The following ARL6IP6 variants were observed in gnomAD, a reference collection of about 807,000 sequenced individuals.
ARL6IP6 encodes the protein ADP-ribosylation factor-like protein 6-interacting protein 6.
In ARL6IP6, 22 loss-of-function variants were observed where a neutral mutation model predicts 21.5. That is an observed-to-expected ratio of 1.02 (90% CI 0.73 to 1.46). ARL6IP6 has a LOEUF of 1.46. Among genes scored for constraint, ARL6IP6 ranks in the 40% most tolerant of loss-of-function variants. The probability of loss-of-function intolerance (pLI) is 0.00; values close to 1 mark genes in which losing one functional copy is unlikely to be tolerated. For synonymous variants in ARL6IP6, 164 were observed against 125.3 expected (o/e 1.31, Z -2.06); for missense variants, 388 against 299.8 (o/e 1.29, Z -2.17).
At chr2:152,718,013 G>A (rs1276991352), upstream of ARL6IP6, 4 of 994,560 alleles carry the variant, frequency 4.0e-6, no homozygotes, top group East Asian at 1.1e-4. Flanking sequence ...GCGCGCGCCT[G>A]GGGAAGGAGG....
chr2:152,719,764 AAAAAAAAAAAC>A, intron 1 of ARL6IP6: 2 of 249,328 alleles, frequency 8.0e-6, no homozygotes, highest in Admixed American at 6.0e-5. Flanking sequence ...AAAAAAAAAA[AAAAAAAAAAAC>A]AAAAGAACTT....
chr2:152,721,518 A>G (rs1699789415), intron 2 of ARL6IP6, among the ~76,000 whole-genome samples: 1 of 152,214 alleles, frequency 6.6e-6, no homozygotes, highest in South Asian at 2.1e-4. Context: ...TGAAAACTTT[A>G]CCTGTCCAGC....
rs764545774 is a variant in ARL6IP6 at position 152,761,465 on chromosome 2, C to G, written c.*1625C>G. 6.6e-6 allele frequency among the ~76,000 whole-genome samples: 1 copy of G among 152,102 alleles called. No individual in the cohort carries two copies. The highest frequency in any genetic ancestry group is 1.5e-5 in the Non-Finnish European group (1 of 68,036). ...TCCACCACTCTGTATTCCCACGCAC[C>G]ACCAATGTGAGTAACTCCCTCCAGA... On this transcript the variant is annotated 3_prime_UTR_variant, in exon 4 of 4. Transcript: ENST00000326446.
At chr2:152,756,663 G>T (rs1371056264) in intron 3 of ARL6IP6, among the ~76,000 whole-genome samples, 1 of 151,964 alleles carries the variant, frequency 6.6e-6, no homozygotes, top group Non-Finnish European at 1.5e-5. Flanking sequence ...CAAAAAAGAG[G>T]CTTTCTGAAT....
rs1213492426 is a variant in ARL6IP6, at chr2:152,718,803, C to T, written c.179C>T (p.Ser60Leu). ...GCCCGCGACCTGCGGGCGGAGTTCT[C>T]GGCTGGGGCGTGGTCAGAGCCCAGA... is the stretch of plus-strand genomic sequence containing the variant. ...QVARDLRAEF[S>L]AGAWSEPRKR... The change falls in exon 1 of 4, where the codon TCG becomes TTG. Residue 60 changes from serine to leucine, a missense_variant. By Grantham distance (145) the Ser-to-Leu change is moderately radical. Transcript: ENST00000326446. The T allele has an allele frequency of 6.2e-7, 1 of 1,606,534 alleles. No individual in the cohort carries two copies. The highest frequency in any genetic ancestry group is 1.1e-5 in the South Asian group (1 of 90,226).
chr2:152,755,270 A>C (rs1176274894), intron 3 of ARL6IP6, among the ~76,000 whole-genome samples: 1 of 152,158 alleles, frequency 6.6e-6, no homozygotes, highest in Non-Finnish European at 1.5e-5. Context: ...TGCCAAGGGA[A>C]AACACCTGCT....
Position 152,744,394 on chromosome 2 carries a change from C to T in ARL6IP6, c.587+9268C>T, listed in dbSNP as rs1210884839. Among the ~76,000 whole-genome samples the T allele has an allele frequency of 2.6e-5, 4 of 152,078 alleles. No individual in the cohort carries two copies. In the East Asian group the frequency reaches 7.7e-4, roughly 29 times the overall value. On this transcript the variant is annotated intron_variant, in intron 3 of 3. Coordinates refer to ENST00000326446, the MANE Select transcript of ARL6IP6 (RefSeq NM_152522.7). Reference sequence around the variant, plus strand: ...AGAAGTCAGCATGAATTTACTCTTACATTTTTAGAGAAATTTGAAGTTTGG... The same window carrying T: ...AGAAGTCAGCATGAATTTACTCTTATATTTTTAGAGAAATTTGAAGTTTGG...
chr2:152,718,691 G>A lies in ARL6IP6; in HGVS notation c.67G>A (p.Val23Met), dbSNP rs1699412021. The A allele has an allele frequency of 6.3e-7, 1 of 1,594,418 alleles. No homozygotes were observed. Among genetic ancestry groups the A allele is most frequent in the African/African-American group, 1.3e-5 (1 of 74,372 alleles). The change falls in exon 1 of 4, where the codon GTG becomes ATG. Residue 23 changes from valine (V) to methionine (M), a missense_variant. Val to Met is a conservative substitution (Grantham distance 21, BLOSUM62 1). Transcript: ENST00000326446. ...RRRGPGTPGPVARPSYSSFTQ... is the reference protein window; with the variant it reads ...RRRGPGTPGPMARPSYSSFTQ... Reference sequence around the variant, plus strand: ...CCGCGGTCCCGGCACCCCGGGCCCTGTGGCTCGGCCATCGTATTCCTCCTT... The same window carrying A: ...CCGCGGTCCCGGCACCCCGGGCCCTATGGCTCGGCCATCGTATTCCTCCTT...
chr2:152,746,001 CTTTTTTTT>C (rs67760283), intron 3 of ARL6IP6, among the ~76,000 whole-genome samples: 22 of 66,386 alleles, frequency 3.3e-4, no homozygotes, highest in East Asian at 7.5e-4. Flanking sequence ...TGCTTTGTAC[CTTTTTTTT>C]TTTTTTTTTT....
intron 3 of ARL6IP6, among the ~76,000 whole-genome samples, chr2:152,749,804 A>G (rs1047108619): frequency 3.3e-5 from 5 of 152,182 alleles, no homozygotes; most frequent in Non-Finnish European, 7.3e-5. Flanking sequence ...TTATTATTGA[A>G]AGGAATTCTC....
At chr2:152,726,752 A>G (rs538841933) in intron 2 of ARL6IP6, among the ~76,000 whole-genome samples, 27 of 152,324 alleles carry the variant, frequency 1.8e-4, no homozygotes, top group African/African-American at 6.5e-4. Context: ...TGCCTGTATG[A>G]TGGTGGTCCC....
intron 2 of ARL6IP6, among the ~76,000 whole-genome samples, chr2:152,729,539 A>G (rs1048826249): frequency 6.6e-6 from 1 of 152,142 alleles, no homozygotes; most frequent in Non-Finnish European, 1.5e-5. Flanking sequence ...TGTTCCTTGG[A>G]GCATTGTTTG....
chr2:152,753,064 G>A (rs532012913), intron 3 of ARL6IP6, among the ~76,000 whole-genome samples: 19 of 152,082 alleles, frequency 1.2e-4, no homozygotes, highest in South Asian at 2.1e-4. Flanking sequence ...CCAGAGCCCC[G>A]AGAGGTGGAG....
chr2:152,751,167 T>A (rs900246201), intron 3 of ARL6IP6, among the ~76,000 whole-genome samples: 5 of 152,014 alleles, frequency 3.3e-5, no homozygotes, highest in Non-Finnish European at 5.9e-5. Flanking sequence ...GGAAATTTTT[T>A]AATTTTTATC....
chr2:152,718,016 G>T (rs1436674064), upstream of ARL6IP6: 1 of 995,044 alleles, frequency 1.0e-6, no homozygotes, highest in African/African-American at 1.7e-5. Context: ...CGCGCCTGGG[G>T]AAGGAGGCGT....
intron 2 of ARL6IP6, among the ~76,000 whole-genome samples, chr2:152,723,919 C>G (rs951855845): frequency 6.6e-6 from 1 of 152,054 alleles, no homozygotes; most frequent in Admixed American, 6.5e-5. Context: ...TGAACTTGAA[C>G]TTTTTAGCCA....
In ARL6IP6 at chr2:152,718,835, T is replaced by C. The variant is rs761631430; in HGVS notation, c.211T>C (p.Ser71Pro). Residue 71 changes from serine to proline, a missense_variant, in exon 1 of 4, where the codon TCG becomes CCG. Transcript: ENST00000326446. ...AGAWSEPRKR[S>P]VLPPDGNGSP... ...GGCGTGGTCAGAGCCCAGAAAGCGCTCGGTGCTCCCGCCGGACGGGAACGG... is the reference window on the plus strand; with the variant it reads ...GGCGTGGTCAGAGCCCAGAAAGCGCCCGGTGCTCCCGCCGGACGGGAACGG... 2 of 1,611,008 alleles carry C rather than the reference T, an allele frequency of 1.2e-6. No individual in the cohort carries two copies. The highest frequency in any genetic ancestry group is 1.7e-5 in the Admixed American group (1 of 59,634).
At chr2:152,717,854 G>C (rs892287596), upstream of ARL6IP6, 10 of 1,095,822 alleles carry the variant, frequency 9.1e-6, no homozygotes, top group Middle Eastern at 4.2e-4. Context: ...GGGTAGGGTG[G>C]AGGGGGCGGG....
At position 152,759,818 on chromosome 2, in the gene ARL6IP6, C is replaced by T. The variant is rs1193717978; in HGVS notation, c.659C>T (p.Thr220Ile). The change falls in exon 4 of 4, where the codon ACT (threonine) becomes ATT (isoleucine). Residue 220 changes from threonine to isoleucine, a missense_variant. Physicochemically the swap from Thr to Ile is moderately conservative, Grantham distance 89. Transcript: ENST00000326446. ...AILNGIVAAL[T>I]VAWCLM The stretch of plus-strand genomic sequence containing the variant: ...TTGAATGGCATCGTAGCTGCTCTTA[C>T]TGTAGCATGGTGCCTCATGTAAACC... 2 of 1,613,290 alleles carry T rather than the reference C, an allele frequency of 1.2e-6. No individual in the cohort carries two copies. Among genetic ancestry groups the T allele is most frequent in the South Asian group, 1.1e-5 (1 of 91,058 alleles).
Sources: allele counts gnomAD v4.1 joint callset (sites outside exome capture counted in the v4.1 genomes callset), GRCh38; gene constraint gnomAD v4.1.1; transcripts MANE v1.5; gene names NCBI Gene and HGNC (gene_info 2026-07-23, HGNC 2026-07-21).